Variants in QTRT1 observed in about 807,000 individuals in gnomAD.
The protein encoded by QTRT1 is queuine tRNA-ribosyltransferase catalytic subunit 1, also known as TGT, 43-KD subunit.
QTRT1 carries 41 observed loss-of-function variants against 44.0 expected under a neutral mutation model. The observed-to-expected ratio is 0.93, with a 90% CI of 0.73 to 1.21. The LOEUF is 1.21. Among genes scored for constraint, QTRT1 ranks in the 50% most tolerant of loss-of-function variants. The pLI, the probability that QTRT1 is intolerant of heterozygous loss-of-function variation, is 0.00. For synonymous variants in QTRT1, 226 were observed against 237.1 expected (o/e 0.95, Z 0.43); for missense variants, 542 against 575.8 (o/e 0.94, Z 0.60).
At position 10,701,508 on chromosome 19, in the gene QTRT1, C is replaced by T. The variant is rs1465379649; in HGVS notation, c.48C>T (p.Ile16=). The T allele has an allele frequency of 6.3e-7, 1 of 1,590,952 alleles. No individual in the cohort carries two copies. Among genetic ancestry groups the T allele is most frequent in the Non-Finnish European group, 8.6e-7 (1 of 1,166,332 alleles). Residue 16 remains isoleucine (I), a synonymous_variant, in exon 1 of 10, where the codon ATC becomes ATT. Transcript: ENST00000250237. ...CTTCCCTGGAGTCGGCCCCACGGAT[C>T]ATGCGGCTGGTGGCCGAATGCAGCC... The part of the protein sequence containing the change: ...TQASLESAPR[I]MRLVAECSRS...
intron 3 of QTRT1, 124 bp downstream of exon 3, chr19:10,702,378 C>A: frequency 1.8e-6 from 2 of 1,092,128 alleles, no homozygotes; most frequent in Non-Finnish European, 2.6e-6. Flanking sequence ...TTCAGTTGAA[C>A]CAACTCAAAG....
intron 3 of QTRT1, among the ~76,000 whole-genome samples, chr19:10,706,023 T>C (rs2068712205): frequency 6.7e-6 from 1 of 150,056 alleles, no homozygotes; most frequent in Non-Finnish European, 1.5e-5. Context: ...CCCGGCTAAT[T>C]TTTTGTATTT....
At chr19:10,704,726 G>A (rs531512090) in intron 3 of QTRT1, among the ~76,000 whole-genome samples, 1 of 149,224 alleles carries the variant, frequency 6.7e-6, no homozygotes, top group East Asian at 2.0e-4. Context: ...TAGCTGGGAT[G>A]ACAGGCATGC....
chr19:10,707,922 C>A (rs2068722083), intron 5 of QTRT1, among the ~76,000 whole-genome samples: 3 of 150,456 alleles, frequency 2.0e-5, no homozygotes, highest in African/African-American at 7.3e-5. Context: ...CCACCGCGCC[C>A]AGCCTATTTA....
chr19:10,712,472 C>A lies in QTRT1; in HGVS notation c.786-81C>A. ...CCATTCTGAGGGAATATGGCCCAGT[C>A]TGGGGCAGTGTGAGGGTTGGGAGGG... is the stretch of plus-strand genomic sequence containing the variant. On this transcript the variant is annotated intron_variant, in intron 6 of 9. Transcript: ENST00000250237. This position sits in a 1 kb window ranked among gnomAD's most constrained non-coding sequence, Gnocchi z 5.6. 1 of 1,469,364 alleles carries A rather than the reference C, an allele frequency of 6.8e-7. No homozygotes were observed. Among genetic ancestry groups the A allele is most frequent in the South Asian group, 1.1e-5 (1 of 87,996 alleles). The allele number at this position is 1,469,364 out of a possible 1,614,324, so 91.0% of individuals were successfully genotyped here.
chr19:10,702,361 G>T, intron 3 of QTRT1, 107 bp downstream of exon 3: 5 of 1,297,952 alleles, frequency 3.9e-6, no homozygotes, highest in Non-Finnish European at 5.3e-6. Context: ...GTCACTCCTC[G>T]CTGAGCTTCA....
chr19:10,712,227 A>G lies in QTRT1; in HGVS notation c.713A>G (p.Gln238Arg), dbSNP rs2068742049. ...GGLSGGESKS[Q>R]FWRMVALSTS... is the part of the protein sequence containing the mutation. ...CTGAGCGGGGGTGAGAGCAAGTCGC[A>G]GTTCTGGCGGATGGTGGCGCTGAGC... Residue 238 changes from glutamine to arginine, a missense_variant, in exon 6 of 10, where the codon CAG becomes CGG. By Grantham distance (43) the Gln-to-Arg change is conservative. Coordinates refer to ENST00000250237, the MANE Select transcript of QTRT1 (RefSeq NM_031209.3). This position sits in a 1 kb window ranked among gnomAD's most constrained non-coding sequence, Gnocchi z 5.6. 1.9e-6 allele frequency: 3 copies of G among 1,614,112 alleles called. No homozygotes were observed. The highest frequency in any genetic ancestry group is 2.5e-6 in the Non-Finnish European group (3 of 1,180,044).
intron 5 of QTRT1, among the ~76,000 whole-genome samples, chr19:10,708,058 G>A (rs1303923607): frequency 1.3e-5 from 2 of 151,208 alleles, no homozygotes; most frequent in African/African-American, 4.9e-5. Flanking sequence ...TCCGCCTCCC[G>A]GGTTCAATCT....
rs2068740998 is a variant in QTRT1 at position 10,712,082 on chromosome 19, T to C, written c.647-79T>C. 1 of 1,577,980 alleles carries C rather than the reference T, an allele frequency of 6.3e-7. No individual in the cohort carries two copies. The highest frequency in any genetic ancestry group is 1.7e-5 in the Admixed American group (1 of 59,880). On this transcript the variant is annotated intron_variant, in intron 5 of 9. Coordinates refer to ENST00000250237, the MANE Select transcript of QTRT1 (RefSeq NM_031209.3). The surrounding 1 kb of genome is among the most constrained non-coding windows in gnomAD (Gnocchi z 5.6). ...CTCTCTCCCTGAGCGACTCTGGAAG[T>C]CTGGGCAGGGTGTGTTCTGGGATTG...
chr19:10,702,833 G>A (rs569076767), intron 3 of QTRT1, among the ~76,000 whole-genome samples: 11 of 129,998 alleles, frequency 8.5e-5, no homozygotes, highest in South Asian at 7.4e-4. Flanking sequence ...GCAATTTTGC[G>A]ATCTGAGCTC....
rs775734171 is a variant in QTRT1 at position 10,707,289 on chromosome 19, A to G, written c.452-13A>G. 17 of 1,613,692 alleles carry G rather than the reference A, an allele frequency of 1.1e-5. No individual in the cohort carries two copies. In the Admixed American group the frequency reaches 2.8e-4, roughly 27 times the overall value. On this transcript the variant is annotated splice_polypyrimidine_tract_variant and intron_variant, in intron 3 of 9. Coordinates refer to ENST00000250237, the MANE Select transcript of QTRT1 (RefSeq NM_031209.3). ...GGGCTTTCCCAGTGATGTTGCCCCC[A>G]TCTCACCATCAGGCTCGGACATCAT...
Position 10,701,693 on chromosome 19 carries a change from G to A in QTRT1, c.233G>A (p.Gly78Asp). 1.3e-6 allele frequency: 2 copies of A among 1,578,258 alleles called. No homozygotes were observed. Among genetic ancestry groups the A allele is most frequent in the East Asian group, 2.3e-5 (1 of 42,888 alleles). Residue 78 changes from glycine to aspartate, a missense_variant, in exon 1 of 10, where the codon GGT becomes GAT. Transcript: ENST00000250237. ...TGCCTGGGCAATACCTACCATCTGGGTCTAAGGCCGGTGGGTGGGCTCTGC... is the reference window on the plus strand; with the variant it reads ...TGCCTGGGCAATACCTACCATCTGGATCTAAGGCCGGTGGGTGGGCTCTGC... ...RICLGNTYHL[G>D]LRPGPELIQK...
At position 10,712,973 on chromosome 19, in the gene QTRT1, A is replaced by ACGCACTGCTGCACAGTGACAACACGGC; in HGVS notation, c.996_1022dup (p.Leu334_Leu342dup). The ACGCACTGCTGCACAGTGACAACACGGC allele has an allele frequency of 6.2e-7, 1 of 1,612,852 alleles. No individual in the cohort carries two copies. Among genetic ancestry groups the ACGCACTGCTGCACAGTGACAACACGGC allele is most frequent in the East Asian group, 2.2e-5 (1 of 44,878 alleles). On this transcript the variant is annotated inframe_insertion, in exon 9 of 10. Coordinates refer to ENST00000250237, the MANE Select transcript of QTRT1 (RefSeq NM_031209.3). The surrounding 1 kb of genome is among the most constrained non-coding windows in gnomAD (Gnocchi z 5.6). ...TACAGGCACAGCCGCGCCTTCCTGC[A>ACGCACTGCTGCACAGTGACAACACGGC]CGCACTGCTGCACAGTGACAACACG...
intron 3 of QTRT1, among the ~76,000 whole-genome samples, chr19:10,706,145 C>T (rs965715283): frequency 1.2e-4 from 18 of 152,200 alleles, no homozygotes; most frequent in African/African-American, 3.9e-4. Context: ...TGAGCCACTG[C>T]GCCCGGCTGT....
At chr19:10,701,912 G>A in intron 1 of QTRT1, 38 bp from the exon 2 acceptor site, 6 of 1,611,190 alleles carry the variant, frequency 3.7e-6, no homozygotes, top group Non-Finnish European at 5.1e-6. Flanking sequence ...CCAGGGACGC[G>A]GTCACCCCTA....
intron 5 of QTRT1, among the ~76,000 whole-genome samples, chr19:10,707,822 G>A (rs1288761578): frequency 9.6e-6 from 1 of 104,404 alleles, no homozygotes; most frequent in African/African-American, 4.1e-5. Context: ...TAGGTTTTTT[G>A]TTTGTTTGTT....
At chr19:10,706,506 G>A (rs920452260) in intron 3 of QTRT1, among the ~76,000 whole-genome samples, 1 of 151,856 alleles carries the variant, frequency 6.6e-6, no homozygotes, top group African/African-American at 2.4e-5. Context: ...TTGAGTAGCT[G>A]GGATTACAGG....
rs377229003 is a variant in QTRT1, at chr19:10,712,520, C to T, written c.786-33C>T. On this transcript the variant is annotated intron_variant, in intron 6 of 9. Coordinates refer to ENST00000250237, the MANE Select transcript of QTRT1 (RefSeq NM_031209.3). This position sits in a 1 kb window ranked among gnomAD's most constrained non-coding sequence, Gnocchi z 5.6. ...GGGGCCCTGGGAAGCCCCTGAGGTT[C>T]TCTGCCCCCTCCCGTCATGGCTGCA... 1.3e-6 allele frequency: 2 copies of T among 1,597,718 alleles called. No homozygotes were observed. The highest frequency in any genetic ancestry group is 1.7e-6 in the Non-Finnish European group (2 of 1,165,394).
chr19:10,707,441 G>A, intron 4 of QTRT1, 59 bp from the exon 5 acceptor site: 3 of 1,610,466 alleles, frequency 1.9e-6, no homozygotes, highest in Non-Finnish European at 2.5e-6. Context: ...GGTCCCTGTA[G>A]CCTTGTCTCC....
Sources: gnomAD v4.1 joint callset for allele counts (sites outside exome capture counted in the v4.1 genomes callset) on GRCh38, gnomAD v4.1.1 for gene constraint, Gnocchi (gnomAD v3.1) non-coding constraint, MANE v1.5 for transcripts, NCBI Gene and HGNC (gene_info 2026-07-23, HGNC 2026-07-21) for gene names.